The following MAP3K19 variants were observed in gnomAD, a reference collection of about 807,000 sequenced individuals.
MAP3K19 encodes the protein SPS1/STE20-related protein kinase YSK4.
MAP3K19 carries 91 observed loss-of-function variants against 114.4 expected under a neutral mutation model. That is an observed-to-expected ratio of 0.80 (90% CI 0.67 to 0.95). The LOEUF (loss-of-function observed/expected upper bound fraction) is 0.95. MAP3K19 is among the 40% of genes least tolerant of loss of function. The probability of loss-of-function intolerance (pLI) is 0.00; values close to 1 mark genes in which losing one functional copy is unlikely to be tolerated. For missense variants in MAP3K19, 1,471 were observed against 1,573.2 expected (o/e 0.94, Z 1.10); for synonymous variants, 518 against 530.5 (o/e 0.98, Z 0.32).
chr2:134,966,017 T>A (rs1683322080), intron 12 of MAP3K19, among the ~76,000 whole-genome samples: 1 of 152,202 alleles, frequency 6.6e-6, no homozygotes, highest in Non-Finnish European at 1.5e-5. Flanking sequence ...TTACTTAAGA[T>A]AAAGAACTCC....
intron 8 of MAP3K19, among the ~76,000 whole-genome samples, chr2:134,993,888 G>A (rs747423408): frequency 3.3e-5 from 5 of 152,158 alleles, no homozygotes; most frequent in Non-Finnish European, 5.9e-5. Context: ...CCATGCACCT[G>A]TACTCCCAGC....
At chr2:134,982,069 T>C (rs1463262362) in intron 11 of MAP3K19, among the ~76,000 whole-genome samples, 5 of 149,968 alleles carry the variant, frequency 3.3e-5, no homozygotes, top group Non-Finnish European at 7.4e-5. Context: ...TGGCTAATTG[T>C]GTGTGTGTAC....
Position 134,987,242 on chromosome 2 carries a change from T to C in MAP3K19, c.1630A>G (p.Thr544Ala), listed in dbSNP as rs755575948. 4 of 1,614,182 alleles carry C rather than the reference T, an allele frequency of 2.5e-6. No individual in the cohort carries two copies. Among genetic ancestry groups the C allele is most frequent in the Non-Finnish European group, 3.4e-6 (4 of 1,180,032 alleles). The change falls in exon 10 of 13, where the codon ACA becomes GCA. Residue 544 changes from threonine to alanine, a missense_variant. Thr to Ala is a moderately conservative substitution (Grantham distance 58). Coordinates refer to ENST00000392915, the MANE Select transcript of MAP3K19 (RefSeq NM_025052.5). ...HRSKLDSKTK[T>A]SKKTPQNFVI... ...AAATTCTGAGGTGTCTTCTTACTTGTCTTGGTCTTTGAATCCAACTTACTC... is the reference window on the plus strand; with the variant it reads ...AAATTCTGAGGTGTCTTCTTACTTGCCTTGGTCTTTGAATCCAACTTACTC...
chr2:134,998,333 A>G (rs1380953306), intron 8 of MAP3K19, among the ~76,000 whole-genome samples: 1 of 152,210 alleles, frequency 6.6e-6, no homozygotes, highest in African/African-American at 2.4e-5. Flanking sequence ...ACACTCAAGA[A>G]AAAAGTCAAC....
In MAP3K19 at chr2:134,986,771, A is replaced by G. The variant is rs1685152257; in HGVS notation, c.2101T>C (p.Cys701Arg). ...APSGRRITNK[C>R]RSSHSERKSN... ...TTCCTCTCACTGTGTGAAGATCGAC[A>G]TTTATTGGTGATACGTCTGCCTGAT... is the stretch of plus-strand genomic sequence containing the variant. The change falls in exon 10 of 13, where the codon TGT becomes CGT. Residue 701 changes from cysteine to arginine, a missense_variant. Transcript: ENST00000392915. The G allele has an allele frequency of 1.9e-6, 3 of 1,614,062 alleles. No individual in the cohort carries two copies. Among genetic ancestry groups the G allele is most frequent in the East Asian group, 4.5e-5 (2 of 44,874 alleles).
chr2:135,047,039 T>C (rs1558749679), intron 1 of MAP3K19, 146 bp downstream of exon 1: 1 of 152,224 alleles, frequency 6.6e-6, no homozygotes. Context: ...TTATTACAAC[T>C]CCAAGGATAT....
chr2:134,976,747 T>TAA (rs10717366), intron 12 of MAP3K19, among the ~76,000 whole-genome samples: 4 of 143,780 alleles, frequency 2.8e-5, no homozygotes, highest in African/African-American at 2.5e-5. Flanking sequence ...ATTTCAAAAG[T>TAA]AAAAAAAAAA....
rs149083512 is a variant in MAP3K19 at position 134,966,369 on chromosome 2, G to A, written c.3921-1453C>T. Among the ~76,000 whole-genome samples the A allele has an allele frequency of 1.5e-3, 221 of 152,118 alleles. 1 individual carries two copies. The East Asian group carries it at 0.021, about 14-fold the overall frequency. ...AATTTACATTCACACCCAACAGTAC[G>A]TGAGTTTCCTTATCTACACATTCTT... On this transcript the variant is annotated intron_variant, in intron 12 of 12. Transcript: ENST00000392915.
chr2:135,007,078 C>A (rs1364652186), intron 5 of MAP3K19, among the ~76,000 whole-genome samples: 1 of 151,132 alleles, frequency 6.6e-6, no homozygotes, highest in East Asian at 2.0e-4. Flanking sequence ...GTGCGAGGAT[C>A]ATTTGAGCCA....
intron 5 of MAP3K19, among the ~76,000 whole-genome samples, chr2:135,005,993 T>C (rs1686786747): frequency 6.6e-6 from 1 of 152,180 alleles, no homozygotes; most frequent in Admixed American, 6.5e-5. Context: ...GATATAACCC[T>C]AGACTGAAAG....
At chr2:135,021,036 T>C (rs1221730316) in intron 5 of MAP3K19, among the ~76,000 whole-genome samples, 2 of 152,212 alleles carry the variant, frequency 1.3e-5, no homozygotes, top group South Asian at 2.1e-4. Context: ...CATTTGATTA[T>C]TTAGTATGGA....
Position 134,964,806 on chromosome 2 carries a change from G to C in MAP3K19, c.*44C>G, listed in dbSNP as rs771705464. ...GCCATCATTCCCCACAATTAAGCAA[G>C]GGAGCATCTGCAGTGGAACTGGGAA... On this transcript the variant is annotated 3_prime_UTR_variant, in exon 13 of 13. Coordinates refer to ENST00000392915, the MANE Select transcript of MAP3K19 (RefSeq NM_025052.5). 6.8e-7 allele frequency: 1 copy of C among 1,464,186 alleles called. No individual in the cohort carries two copies. 90.7% of individuals were successfully genotyped at this position (1,464,186 alleles called of 1,614,324 possible).
At chr2:135,032,369 A>AAAAAG (rs1553434449) in intron 2 of MAP3K19, among the ~76,000 whole-genome samples, 2 of 136,346 alleles carry the variant, frequency 1.5e-5, no homozygotes, top group East Asian at 2.1e-4. Flanking sequence ...AAAAAAAAAA[A>AAAAAG]AAAAGAAAAG....
chr2:135,040,185 G>A (rs964412158), intron 2 of MAP3K19, among the ~76,000 whole-genome samples, 178 bp downstream of exon 2: 1 of 152,156 alleles, frequency 6.6e-6, no homozygotes, highest in Non-Finnish European at 1.5e-5. Context: ...ACCGAGTGAG[G>A]AAATGAATAG....
chr2:135,039,683 A>G (rs1363975271), intron 2 of MAP3K19, among the ~76,000 whole-genome samples: 1 of 152,126 alleles, frequency 6.6e-6, no homozygotes, highest in East Asian at 1.9e-4. Flanking sequence ...TAGTTTCCCT[A>G]TTCTTGCCCT....
At chr2:135,044,534 G>A (rs914689264) in intron 1 of MAP3K19, among the ~76,000 whole-genome samples, 4 of 152,200 alleles carry the variant, frequency 2.6e-5, no homozygotes, top group Non-Finnish European at 5.9e-5. Context: ...AGGTTGCAGT[G>A]AGCTGAGATT....
chr2:134,978,008 C>T (rs1684368063), intron 12 of MAP3K19, among the ~76,000 whole-genome samples: 1 of 152,134 alleles, frequency 6.6e-6, no homozygotes, highest in African/African-American at 2.4e-5. Flanking sequence ...CTTAGGGACA[C>T]TCTGTCCTCT....
In MAP3K19 at chr2:134,987,417, G is replaced by T. The variant is rs1685221745; in HGVS notation, c.1455C>A (p.Ile485=). 1.2e-6 allele frequency: 2 copies of T among 1,614,154 alleles called. No individual in the cohort carries two copies. Among genetic ancestry groups the T allele is most frequent in the Non-Finnish European group, 1.7e-6 (2 of 1,180,032 alleles). The change falls in exon 10 of 13, where the codon ATC becomes ATA. Residue 485 remains isoleucine, a synonymous_variant. Transcript: ENST00000392915. ...TTCCATCCACAGGGAAGGTGATGTG[G>T]ATAAGAGGCACCATCCTACTCATTT... ...KPEMSRMVPL[I]HITFPVDGSP...
intron 5 of MAP3K19, among the ~76,000 whole-genome samples, chr2:135,019,052 C>G (rs1224966346): frequency 6.6e-6 from 1 of 151,096 alleles, no homozygotes; most frequent in Non-Finnish European, 1.5e-5. Context: ...GCACTCCAGC[C>G]TGGGTGACAG....
Sources: allele counts gnomAD v4.1 joint callset (sites outside exome capture counted in the v4.1 genomes callset), GRCh38; gene constraint gnomAD v4.1.1; transcripts MANE v1.5; gene names NCBI Gene and HGNC (gene_info 2026-07-23, HGNC 2026-07-21).